ST18: variants seen among roughly 807,000 people sequenced by gnomAD.
ST18 encodes the protein ST18 C2H2C-type zinc finger transcription factor.
Under a neutral mutation model 110.0 loss-of-function variants are expected in ST18, and 50 were observed. That is an observed-to-expected ratio of 0.45 (90% CI 0.36 to 0.58). ST18 has a LOEUF of 0.58. Ranked by LOEUF, ST18 falls within the 20% of genes least tolerant of loss-of-function variation. The pLI, the probability that ST18 is intolerant of heterozygous loss-of-function variation, is 0.00. For synonymous variants in ST18, 461 were observed against 452.4 expected (o/e 1.02, Z -0.24); for missense variants, 1,306 against 1,280.1 (o/e 1.02, Z -0.31).
chr8:52,200,803 C>T (rs567382237), intron 8 of ST18, among the ~76,000 whole-genome samples: 98 of 152,250 alleles, frequency 6.4e-4, no homozygotes, highest in Non-Finnish European at 9.3e-4. Context: ...GTCAAGGATG[C>T]CTCCAAGACT....
intron 2 of ST18, chr8:52,404,842 T>A (rs1843924804): frequency 6.6e-6 from 1 of 152,178 alleles, no homozygotes; most frequent in Non-Finnish European, 1.5e-5. Context: ...AATATCTTTT[T>A]AAAAAAATTA....
At chr8:52,242,410 C>T (rs998731582) in intron 2 of ST18, among the ~76,000 whole-genome samples, 2 of 152,182 alleles carry the variant, frequency 1.3e-5, no homozygotes, top group Admixed American at 6.5e-5. Context: ...CAAGCAGCCC[C>T]GGCGCATCAC....
intron 2 of ST18, among the ~76,000 whole-genome samples, chr8:52,369,636 A>G (rs1218147684): frequency 1.3e-5 from 2 of 152,250 alleles, no homozygotes; most frequent in Non-Finnish European, 2.9e-5. Flanking sequence ...ATGGCAAACA[A>G]TATGGAATTC....
intron 9 of ST18, among the ~76,000 whole-genome samples, chr8:52,176,694 C>T (rs547853561): frequency 6.6e-6 from 1 of 152,268 alleles, no homozygotes; most frequent in South Asian, 2.1e-4. Context: ...TCTGGTAATC[C>T]TACAGATACA....
rs1429887936 is a variant in ST18 at position 52,137,464 on chromosome 8, C to T, written c.2188G>A (p.Asp730Asn). 1.2e-6 allele frequency: 2 copies of T among 1,614,090 alleles called. No homozygotes were observed. The highest frequency in any genetic ancestry group is 1.3e-5 in the African/African-American group (1 of 75,016). The change falls in exon 18 of 26, where the codon GAT becomes AAT. Residue 730 changes from aspartate to asparagine, a missense_variant. Physicochemically the swap from Asp to Asn is conservative, Grantham distance 23. Transcript: ENST00000689386. ...ELITCPTPGC[D>N]GSGHVTGNYA... ...TTTCCTGTCACGTGGCCACTTCCAT[C>T]ACATCCTGGTGTTGGACAGCTGAGT... is the stretch of plus-strand genomic sequence containing the variant.
intron 9 of ST18, among the ~76,000 whole-genome samples, chr8:52,176,013 A>G (rs73679149): frequency 0.013 from 1,931 of 152,042 alleles, 42 homozygotes; most frequent in African/African-American, 0.043. Flanking sequence ...CTAGAATGCA[A>G]TTGTCAGCTA....
At chr8:52,290,985 T>A (rs1220279937) in intron 2 of ST18, among the ~76,000 whole-genome samples, 1 of 152,158 alleles carries the variant, frequency 6.6e-6, no homozygotes, top group Non-Finnish European at 1.5e-5. Context: ...TTAAAAAGCA[T>A]CTCCCTGTGG....
At chr8:52,137,539 C>T (rs2052973702) in intron 17 of ST18, 56 bp from the exon 18 acceptor site, 13 of 1,578,674 alleles carry the variant, frequency 8.2e-6, no homozygotes, top group East Asian at 2.2e-5. Context: ...GGTTCATTTC[C>T]TCTGCCCAGT....
At chr8:52,382,607 AAAAAG>A (rs1302162868) in intron 2 of ST18, among the ~76,000 whole-genome samples, 4 of 152,230 alleles carry the variant, frequency 2.6e-5, no homozygotes, top group Admixed American at 2.6e-4. Flanking sequence ...TCCAGAAGAC[AAAAAG>A]AAGAGGATGA....
At chr8:52,127,001 C>A (rs975450926) in intron 22 of ST18, among the ~76,000 whole-genome samples, 1 of 152,078 alleles carries the variant, frequency 6.6e-6, no homozygotes, top group African/African-American at 2.4e-5. Context: ...GCTGTGTTTT[C>A]GTAGAAACAA....
chr8:52,226,053 C>T (rs1162464173), intron 3 of ST18, among the ~76,000 whole-genome samples: 1 of 152,176 alleles, frequency 6.6e-6, no homozygotes, highest in African/African-American at 2.4e-5. Flanking sequence ...CAACAGTCAA[C>T]TGTGAAGAAC....
chr8:52,331,760 T>C (rs1391480283), intron 2 of ST18, among the ~76,000 whole-genome samples: 16 of 152,070 alleles, frequency 1.1e-4, no homozygotes, highest in Admixed American at 1.0e-3. Flanking sequence ...GAAACACCAG[T>C]TTGGGGATCA....
At chr8:52,377,615 G>T (rs1357520906) in intron 2 of ST18, among the ~76,000 whole-genome samples, 1 of 152,196 alleles carries the variant, frequency 6.6e-6, no homozygotes, top group East Asian at 1.9e-4. Context: ...ATGCTGGCAA[G>T]GATGAGGAGA....
At chr8:52,208,662 T>A (rs986403518) in intron 8 of ST18, among the ~76,000 whole-genome samples, 1 of 152,086 alleles carries the variant, frequency 6.6e-6, no homozygotes. Flanking sequence ...CCGTCTCTAC[T>A]AAAAATACAA....
rs532608476 is a variant in ST18, at chr8:52,150,372, TTCA to T, written c.1807-398_1807-396del. ...TAGTTTACAGAATTATCACTCCCAA[TTCA>T]TCATTTAAAGCATTCACATTTGTGT... On this transcript the variant is annotated intron_variant, in intron 15 of 25. Transcript: ENST00000689386. Among the ~76,000 whole-genome samples, 37 of 152,262 alleles carry T rather than the reference TTCA, an allele frequency of 2.4e-4. 1 individual carries two copies. In the South Asian group the frequency reaches 4.6e-3, roughly 19 times the overall value.
intron 2 of ST18, among the ~76,000 whole-genome samples, chr8:52,368,495 T>C (rs1229287505): frequency 1.3e-5 from 2 of 152,250 alleles, no homozygotes; most frequent in East Asian, 3.9e-4. Context: ...AAAGAGAGAA[T>C]ATATTAGTTA....
chr8:52,391,773 T>A (rs1839387635), intron 2 of ST18, among the ~76,000 whole-genome samples: 1 of 152,172 alleles, frequency 6.6e-6, no homozygotes, highest in African/African-American at 2.4e-5. Context: ...TACATCCCTG[T>A]CATTGGGCAA....
chr8:52,268,263 A>G (rs762963994), intron 2 of ST18, among the ~76,000 whole-genome samples: 4 of 152,156 alleles, frequency 2.6e-5, no homozygotes, highest in Non-Finnish European at 4.4e-5. Context: ...AGTGTGTTTC[A>G]ACTACTGTAC....
chr8:52,235,685 T>C (rs898737920), intron 2 of ST18, among the ~76,000 whole-genome samples: 1 of 152,186 alleles, frequency 6.6e-6, no homozygotes, highest in African/African-American at 2.4e-5. Context: ...AGGTAATATC[T>C]GAAAACTAGT....
Sources: gnomAD v4.1 joint callset for allele counts (sites outside exome capture counted in the v4.1 genomes callset) on GRCh38, gnomAD v4.1.1 for gene constraint, MANE v1.5 for transcripts, NCBI Gene and HGNC (gene_info 2026-07-23, HGNC 2026-07-21) for gene names.